The following DNAAF1 variants were observed in gnomAD, a reference collection of about 807,000 sequenced individuals.
DNAAF1 encodes dynein assembly factor 1, axonemal.
In DNAAF1, 65 loss-of-function variants were observed where a neutral mutation model predicts 71.1. That is an observed-to-expected ratio of 0.91 (90% CI 0.75 to 1.12). The LOEUF (loss-of-function observed/expected upper bound fraction) is 1.12, where lower values mean the gene tolerates loss of function less well. DNAAF1 is among the 50% of genes most tolerant of loss of function. The pLI is 0.00. For missense variants in DNAAF1, 1,178 were observed against 899.8 expected (o/e 1.31, Z -3.96); for synonymous variants, 414 against 354.6 (o/e 1.17, Z -1.88).
At chr16:84,170,420 C>CA in intron 8 of DNAAF1, 64 bp downstream of exon 8, 1 of 1,609,872 alleles carries the variant, frequency 6.2e-7, no homozygotes, top group Admixed American at 1.7e-5. Flanking sequence ...GCCTTCGACT[C>CA]ACGTCTCTGT....
intron 1 of DNAAF1, among the ~76,000 whole-genome samples, chr16:84,146,413 G>T (rs971496191): frequency 3.2e-4 from 49 of 152,110 alleles, no homozygotes; most frequent in African/African-American, 1.1e-3. Flanking sequence ...TTGCCAGAAT[G>T]GACTTGAAAG....
At chr16:84,147,208 A>G (rs1316030604) in intron 1 of DNAAF1, among the ~76,000 whole-genome samples, 1 of 152,042 alleles carries the variant, frequency 6.6e-6, no homozygotes, top group African/African-American at 2.4e-5. Flanking sequence ...TTACATATTA[A>G]TATTTATATA....
chr16:84,150,272 A>G lies in DNAAF1; in HGVS notation c.282A>G (p.Gln94=), dbSNP rs1447906727. 2 of 1,613,810 alleles carry G rather than the reference A, an allele frequency of 1.2e-6. No individual in the cohort carries two copies. The highest frequency in any genetic ancestry group is 1.1e-5 in the South Asian group (1 of 91,082). The change falls in exon 3 of 12, where the codon CAA becomes CAG. Residue 94 remains glutamine (Q), a synonymous_variant. Coordinates refer to ENST00000378553, the MANE Select transcript of DNAAF1 (RefSeq NM_178452.6). ...ACAGAATGACTAAAAGTTCCCTGCA[A>G]AAACTCTGCAAGCAGCACAAGCTTT... ...RGPRMTKSSL[Q]KLCKQHKLYI... is the part of the protein sequence containing the mutation.
At chr16:84,161,460 C>T (rs1225638521) in intron 6 of DNAAF1, among the ~76,000 whole-genome samples, 5 of 152,162 alleles carry the variant, frequency 3.3e-5, no homozygotes, top group Non-Finnish European at 4.4e-5. Context: ...ATCACTGCAG[C>T]TTCAAACTCT....
rs201408556 is a variant in DNAAF1, at chr16:84,147,767, A to AAAT, written c.125-1238_125-1237insTAA. Among the ~76,000 whole-genome samples, 561 of 152,226 alleles carry AAAT rather than the reference A, an allele frequency of 3.7e-3. 4 individuals are homozygous for AAAT. Among genetic ancestry groups the AAAT allele is most frequent in the African/African-American group, 0.013 (538 of 41,530 alleles). ...AAAGAAATAAGCCCCCCCCAAAAAA[A>AAAT]AAATAAAAATAAATAAGGGTGGGCA... On this transcript the variant is annotated intron_variant, in intron 1 of 11. Transcript: ENST00000378553.
intron 11 of DNAAF1, 106 bp downstream of exon 11, chr16:84,176,405 TG>T: frequency 6.5e-7 from 1 of 1,543,820 alleles, no homozygotes; most frequent in Non-Finnish European, 8.8e-7. Context: ...TTCATGTTGC[TG>T]GAGGGGTCAC....
chr16:84,164,931 TG>T (rs1423560487), intron 6 of DNAAF1, among the ~76,000 whole-genome samples: 2 of 152,222 alleles, frequency 1.3e-5, no homozygotes, highest in Non-Finnish European at 2.9e-5. Context: ...AGCGCAGCGT[TG>T]CCGTGTTTTG....
chr16:84,165,714 G>A, intron 6 of DNAAF1, 69 bp from the exon 7 acceptor site: 1 of 1,460,176 alleles, frequency 6.8e-7, no homozygotes, highest in Non-Finnish European at 9.6e-7. Flanking sequence ...AAGAAAATGA[G>A]CAAGTTGATC....
intron 7 of DNAAF1, among the ~76,000 whole-genome samples, chr16:84,168,059 G>C (rs2088120526): frequency 6.6e-6 from 1 of 151,784 alleles, no homozygotes; most frequent in Non-Finnish European, 1.5e-5. Context: ...CCCTATTGCA[G>C]TTCTGTGGGT....
rs750459474 is a variant in DNAAF1, at chr16:84,175,890, T to A, written c.1699-43T>A. On this transcript the variant is annotated intron_variant, in intron 10 of 11. Coordinates refer to ENST00000378553, the MANE Select transcript of DNAAF1 (RefSeq NM_178452.6). ...ATGGTGCATTGTAGAGCGATTCTGT[T>A]GTGAAAACAGAAACTTTCAGACACC... 9.3e-6 allele frequency: 15 copies of A among 1,609,446 alleles called. No individual in the cohort carries two copies. In the African/African-American group the frequency reaches 1.6e-4, roughly 17 times the overall value.
chr16:84,155,595 T>G lies in DNAAF1; in HGVS notation c.587T>G (p.Val196Gly). The G allele has an allele frequency of 6.2e-7, 1 of 1,614,138 alleles. No homozygotes were observed. The highest frequency in any genetic ancestry group is 8.5e-7 in the Non-Finnish European group (1 of 1,180,016). Residue 196 changes from valine (V) to glycine (G), a missense_variant, in exon 5 of 12, where the codon GTC becomes GGC. Coordinates refer to ENST00000378553, the MANE Select transcript of DNAAF1 (RefSeq NM_178452.6). ...CCTTACCTTCCAGCCTGCCTCCCAG[T>G]CCTGAACACATTGCAGATGGCCCAC... Reference protein sequence around the residue: ...KTIENLSCLPVLNTLQMAHNH... With the variant: ...KTIENLSCLPGLNTLQMAHNH...
rs143005689 is a variant in DNAAF1 at position 84,154,583 on chromosome 16, A to T, written c.359A>T (p.Asp120Val). 3.3e-5 allele frequency: 53 copies of T among 1,613,926 alleles called. No individual in the cohort carries two copies. The highest frequency in any genetic ancestry group is 5.1e-6 in the Non-Finnish European group (6 of 1,180,022). ...DTLYLHFKGF[D>V]RIENLEEYTG... ...CGTGCTTCCTTTTTGTTAGGTTTTGATCGCATTGAGAACCTGGAAGAGTAC... is the reference window on the plus strand; with the variant it reads ...CGTGCTTCCTTTTTGTTAGGTTTTGTTCGCATTGAGAACCTGGAAGAGTAC... Residue 120 changes from aspartate (D) to valine (V), a missense_variant, in exon 4 of 12, where the codon GAT becomes GTT. Asp to Val is a radical substitution (Grantham distance 152). Transcript: ENST00000378553.
In DNAAF1 at chr16:84,155,668, G is replaced by C. The variant is rs771308534; in HGVS notation, c.660G>C (p.Leu220Phe). Residue 220 changes from leucine to phenylalanine, a missense_variant, in exon 5 of 12, where the codon TTG becomes TTC. Physicochemically the swap from Leu to Phe is conservative, Grantham distance 22 (BLOSUM62 0). Coordinates refer to ENST00000378553, the MANE Select transcript of DNAAF1 (RefSeq NM_178452.6). ...ACATTCAGCATCTACAAGAGTGTTTGAGGCTTTGTGTCCTTGACCTTTCGC... is the reference window on the plus strand; with the variant it reads ...ACATTCAGCATCTACAAGAGTGTTTCAGGCTTTGTGTCCTTGACCTTTCGC... ...VEDIQHLQECLRLCVLDLSHN... is the reference protein window; with the variant it reads ...VEDIQHLQECFRLCVLDLSHN... The C allele has an allele frequency of 1.9e-6, 3 of 1,614,158 alleles. No individual in the cohort carries two copies. In the Admixed American group the frequency reaches 5.0e-5, roughly 27 times the overall value.
chr16:84,154,636 A>G lies in DNAAF1; in HGVS notation c.412A>G (p.Ser138Gly), dbSNP rs374726076. ...AGGGCTGCGCTGTCTCTGGCTGCAG[A>G]GCAATGGAATACAGAAAATCGAAAA... ...YTGLRCLWLQ[S>G]NGIQKIENLE... The change falls in exon 4 of 12, where the codon AGC becomes GGC. Residue 138 changes from serine (S) to glycine (G), a missense_variant. Ser to Gly is a moderately conservative substitution (Grantham distance 56). Transcript: ENST00000378553. The G allele has an allele frequency of 1.2e-6, 2 of 1,614,064 alleles. No individual in the cohort carries two copies.
chr16:84,159,855 T>C (rs2087618813), intron 6 of DNAAF1, 59 bp downstream of exon 6: 1 of 1,593,226 alleles, frequency 6.3e-7, no homozygotes, highest in East Asian at 2.3e-5. Context: ...CCATGCTTAA[T>C]ATTAAACTTT....
intron 3 of DNAAF1, among the ~76,000 whole-genome samples, chr16:84,151,106 C>G (rs944375790): frequency 6.6e-6 from 1 of 152,144 alleles, no homozygotes; most frequent in African/African-American, 2.4e-5. Context: ...CTCAGGTTCA[C>G]AGACAGGGCT....
intron 1 of DNAAF1, among the ~76,000 whole-genome samples, chr16:84,146,190 T>C (rs7200983): frequency 0.013 from 1,922 of 152,260 alleles, 35 homozygotes; most frequent in African/African-American, 0.041. Context: ...CCCACCACGC[T>C]ATTCTCCCTG....
At chr16:84,146,796 G>T (rs547858097) in intron 1 of DNAAF1, among the ~76,000 whole-genome samples, 1 of 151,232 alleles carries the variant, frequency 6.6e-6, no homozygotes, top group Non-Finnish European at 1.5e-5. Context: ...GCTCCCACTA[G>T]ACTTGGTGCC....
intron 5 of DNAAF1, 132 bp from the exon 6 acceptor site, chr16:84,159,543 A>G (rs2087604666): frequency 8.0e-7 from 1 of 1,255,216 alleles, no homozygotes; most frequent in East Asian, 2.7e-5. Context: ...TCAAGTCACC[A>G]GGACAGGATA....
Sources: gnomAD v4.1 joint callset for allele counts (sites outside exome capture counted in the v4.1 genomes callset) on GRCh38, gnomAD v4.1.1 for gene constraint, MANE v1.5 for transcripts, NCBI Gene and HGNC (gene_info 2026-07-23, HGNC 2026-07-21) for gene names.